Variants in SLC60A1 observed in about 807,000 individuals in gnomAD.
The protein encoded by SLC60A1 is solute carrier family 60 member 1.
At chr1:205,593,416 A>AGCCGAAATCCCGCCCCT in the SLC60A1 span, among the ~76,000 whole-genome samples, 1 of 74,728 alleles carries the variant, frequency 1.3e-5, no homozygotes, top group African/African-American at 5.4e-5. Context: ...GCTTGCAGTG[A>AGCCGAAATCCCGCCCCT]GCACTCCAGC....
chr1:205,586,403 A>G, the SLC60A1 span, among the ~76,000 whole-genome samples: 2 of 152,206 alleles, frequency 1.3e-5, no homozygotes, highest in African/African-American at 4.8e-5. Context: ...CTGGGTGACC[A>G]TGAAAAGTCC....
chr1:205,576,152 C>T, the SLC60A1 span, among the ~76,000 whole-genome samples: 833 of 152,236 alleles, frequency 5.5e-3, 8 homozygotes, highest in African/African-American at 0.019. Context: ...GTTCCTGGGC[C>T]AGCCTCCCAG....
chr1:205,579,648 G>A, the SLC60A1 span: 1 of 1,286,198 alleles, frequency 7.8e-7, no homozygotes, highest in East Asian at 2.3e-5. Context: ...TTCTACCAGA[G>A]GGGGAGAAAT....
chr1:205,592,363 G>T, the SLC60A1 span: 5 of 1,280,188 alleles, frequency 3.9e-6, no homozygotes, highest in Non-Finnish European at 4.1e-6. Context: ...CTGTCTCTCT[G>T]TGCTCTTTTT....
chr1:205,572,881 G>A, the SLC60A1 span, among the ~76,000 whole-genome samples: 15 of 152,308 alleles, frequency 9.8e-5, no homozygotes, highest in South Asian at 2.9e-3. Context: ...AAACCTGTAC[G>A]TGGATGTTCA....
chr1:205,598,748 G>A, the SLC60A1 span: 3 of 190,586 alleles, frequency 1.6e-5, no homozygotes, highest in Non-Finnish European at 3.3e-5. Flanking sequence ...ACTTTAACAT[G>A]TTTTAAATTC....
At chr1:205,592,183 A>G in the SLC60A1 span, 1 of 1,613,950 alleles carries the variant, frequency 6.2e-7, no homozygotes, top group Non-Finnish European at 8.5e-7. Context: ...ATTTTCTCCT[A>G]CAACGTCGTC....
At chr1:205,597,379 T>TTTTG in the SLC60A1 span, among the ~76,000 whole-genome samples, 74 of 94,298 alleles carry the variant, frequency 7.8e-4, 1 homozygote, top group Non-Finnish European at 1.2e-3. Context: ...GGTTGTTTTT[T>TTTTG]TTTTTTTTTT....
chr1:205,572,214 G>T, the SLC60A1 span, among the ~76,000 whole-genome samples: 1 of 152,200 alleles, frequency 6.6e-6, no homozygotes, highest in Admixed American at 6.5e-5. Flanking sequence ...TGTCAGGCAG[G>T]AAAGGGGAAG....
At chr1:205,598,964 C>A in the SLC60A1 span, 1 of 905,610 alleles carries the variant, frequency 1.1e-6, no homozygotes, top group Non-Finnish European at 1.7e-6. Flanking sequence ...GACACATCAA[C>A]TTGAAACAAG....
At chr1:205,581,432 C>T in the SLC60A1 span, among the ~76,000 whole-genome samples, 16 of 152,366 alleles carry the variant, frequency 1.1e-4, no homozygotes, top group South Asian at 2.5e-3. The surrounding 1 kb of genome is among the most constrained non-coding windows in gnomAD (Gnocchi z 4.2). Flanking sequence ...CCCGTGACTG[C>T]GTCACATACC....
At chr1:205,573,400 C>T in the SLC60A1 span, among the ~76,000 whole-genome samples, 1 of 150,356 alleles carries the variant, frequency 6.7e-6, no homozygotes, top group Non-Finnish European at 1.5e-5. Context: ...GCTTGGGTGA[C>T]AAGAGCGAAA....
chr1:205,600,464 C>T, the SLC60A1 span: 1 of 1,614,030 alleles, frequency 6.2e-7, no homozygotes, highest in Non-Finnish European at 8.5e-7. Context: ...AGAGGTAAAA[C>T]TGGGTGAAGA....
chr1:205,585,111 A>G, the SLC60A1 span: 2 of 771,098 alleles, frequency 2.6e-6, no homozygotes, highest in South Asian at 3.3e-5. The surrounding 1 kb of genome is among the most constrained non-coding windows in gnomAD (Gnocchi z 4.2). Flanking sequence ...CCTGGAGTAC[A>G]CTTGATTCAA....
chr1:205,577,306 C>T, the SLC60A1 span, among the ~76,000 whole-genome samples: 1 of 152,256 alleles, frequency 6.6e-6, no homozygotes, highest in South Asian at 2.1e-4. The surrounding 1 kb of genome is among the most constrained non-coding windows in gnomAD (Gnocchi z 5.2). Context: ...TCTACCAGGC[C>T]ACCCCATGTG....
the SLC60A1 span, chr1:205,584,771 C>A: frequency 1.1e-6 from 1 of 950,218 alleles, no homozygotes; most frequent in Non-Finnish European, 1.7e-6. Context: ...AGTAAGTGGG[C>A]CCCATCCTGC....
the SLC60A1 span, among the ~76,000 whole-genome samples, chr1:205,574,598 T>G: frequency 6.6e-6 from 1 of 152,080 alleles, no homozygotes. Flanking sequence ...AATTTTACAT[T>G]GTGAAATGAA....
chr1:205,597,381 T>TG, the SLC60A1 span, among the ~76,000 whole-genome samples: 2 of 107,588 alleles, frequency 1.9e-5, no homozygotes, highest in African/African-American at 6.2e-5. Context: ...TTGTTTTTTT[T>TG]TTTTTTTTTT....
At chr1:205,599,383 G>T in the SLC60A1 span, 1 of 1,173,860 alleles carries the variant, frequency 8.5e-7, no homozygotes, top group Non-Finnish European at 1.2e-6. Flanking sequence ...GCAAGGAAAT[G>T]TTTATTTTTC....
Sources: gnomAD v4.1 joint callset for allele counts (sites outside exome capture counted in the v4.1 genomes callset) on GRCh38, gnomAD v4.1.1 for gene constraint, Gnocchi (gnomAD v3.1) non-coding constraint, MANE v1.5 for transcripts, NCBI Gene and HGNC (gene_info 2026-07-23, HGNC 2026-07-21) for gene names.